The following SHB variants were observed in gnomAD, a reference collection of about 807,000 sequenced individuals.
The protein encoded by SHB is SH2 domain-containing adapter protein B.
A neutral mutation model predicts 52.3 loss-of-function variants in SHB; 20 were observed. That is an observed-to-expected ratio of 0.38 (90% confidence interval 0.27 to 0.56). The LOEUF is 0.56. SHB is among the 20% of genes least tolerant of loss of function. The pLI, the probability that SHB is intolerant of heterozygous loss-of-function variation, is 0.71. For synonymous variants in SHB, 397 were observed against 316.5 expected (o/e 1.25, Z -2.70); for missense variants, 825 against 723.3 (o/e 1.14, Z -1.61).
intron 2 of SHB, among the ~76,000 whole-genome samples, chr9:37,992,880 A>AGC (rs939447185): frequency 1.3e-5 from 2 of 150,512 alleles, no homozygotes; most frequent in African/African-American, 2.4e-5. Context: ...CACACACACA[A>AGC]ACACACACAC....
At chr9:38,055,095 A>G (rs989282774) in intron 1 of SHB, among the ~76,000 whole-genome samples, 2 of 152,218 alleles carry the variant, frequency 1.3e-5, no homozygotes, top group African/African-American at 4.8e-5. Flanking sequence ...TGAAATTTGT[A>G]AAATGCTATG....
intron 2 of SHB, among the ~76,000 whole-genome samples, chr9:38,007,225 T>G (rs1821085091): frequency 6.6e-6 from 1 of 152,208 alleles, no homozygotes; most frequent in Non-Finnish European, 1.5e-5. Context: ...CACAGCAGAA[T>G]GGGAGAGGCT....
At chr9:38,047,191 A>G (rs374652196) in intron 1 of SHB, among the ~76,000 whole-genome samples, 1 of 152,226 alleles carries the variant, frequency 6.6e-6, no homozygotes, top group East Asian at 1.9e-4. Context: ...GGCCTTGGGT[A>G]TGTCCCCTGA....
intron 4 of SHB, among the ~76,000 whole-genome samples, chr9:37,953,559 C>T (rs1234796162): frequency 6.6e-6 from 1 of 152,058 alleles, no homozygotes; most frequent in Non-Finnish European, 1.5e-5. Context: ...AGCACTGGAG[C>T]ACCTTTCTGC....
intron 5 of SHB, among the ~76,000 whole-genome samples, chr9:37,946,974 C>G (rs1832499473): frequency 6.6e-6 from 1 of 152,316 alleles, no homozygotes; most frequent in East Asian, 1.9e-4. Flanking sequence ...CACCATTCAC[C>G]TTGATGGCCC....
intron 5 of SHB, among the ~76,000 whole-genome samples, chr9:37,937,128 C>T (rs531802046): frequency 1.3e-5 from 2 of 152,352 alleles, no homozygotes; most frequent in Admixed American, 1.3e-4. Context: ...TACTTCCCTA[C>T]TGTCCTGTCT....
At chr9:37,986,988 T>G (rs1304203351) in intron 2 of SHB, among the ~76,000 whole-genome samples, 1 of 152,186 alleles carries the variant, frequency 6.6e-6, no homozygotes, top group African/African-American at 2.4e-5. Flanking sequence ...GGGGCCACAC[T>G]CTAATGAGGT....
At chr9:38,026,353 C>A (rs907774864) in intron 1 of SHB, among the ~76,000 whole-genome samples, 1 of 152,244 alleles carries the variant, frequency 6.6e-6, no homozygotes, top group East Asian at 1.9e-4. Flanking sequence ...ATCGGGCCAG[C>A]ACAGTGCCTT....
rs1389620637 is a variant in SHB at position 37,948,753 on chromosome 9, A to G, written c.1228T>C (p.Trp410Arg). The G allele has an allele frequency of 6.2e-7, 1 of 1,613,638 alleles. No homozygotes were observed. The highest frequency in any genetic ancestry group is 1.3e-5 in the African/African-American group (1 of 75,032). ...DPAVPLEKQI[W>R]YHGAISRGDA... The stretch of plus-strand genomic sequence containing the variant: ...CCTCTGCTGATGGCTCCGTGATACC[A>G]TCTGTGGAGAGGGCAGAGAGTGGTC... Residue 410 changes from tryptophan to arginine, a missense_variant and splice_region_variant, in exon 5 of 6, where the codon TGG becomes CGG. Trp to Arg is a moderately radical substitution (Grantham distance 101). Coordinates refer to ENST00000377707, the MANE Select transcript of SHB (RefSeq NM_003028.3).
intron 2 of SHB, among the ~76,000 whole-genome samples, chr9:37,987,116 C>T (rs1430031202): frequency 6.6e-6 from 1 of 152,348 alleles, no homozygotes; most frequent in Admixed American, 6.5e-5. Context: ...CCTCACAGAG[C>T]GAACCTCAGA....
intron 1 of SHB, among the ~76,000 whole-genome samples, chr9:38,038,553 T>C (rs1821520403): frequency 6.6e-6 from 1 of 152,166 alleles, no homozygotes; most frequent in Non-Finnish European, 1.5e-5. Context: ...GATGAATAAA[T>C]GTATTTTACA....
chr9:38,028,308 C>T (rs538867094), intron 1 of SHB, among the ~76,000 whole-genome samples: 3 of 152,334 alleles, frequency 2.0e-5, no homozygotes, highest in African/African-American at 4.8e-5. Flanking sequence ...CAATAATGGA[C>T]GGGCTCATGC....
At chr9:37,926,053 TTG>T (rs1285205967) in intron 5 of SHB, among the ~76,000 whole-genome samples, 4 of 151,980 alleles carry the variant, frequency 2.6e-5, no homozygotes, top group African/African-American at 7.3e-5. Flanking sequence ...ACAGGGAAGT[TTG>T]TGCGGAATTG....
At chr9:37,989,912 T>C (rs556098457) in intron 2 of SHB, among the ~76,000 whole-genome samples, 5 of 152,270 alleles carry the variant, frequency 3.3e-5, no homozygotes, top group African/African-American at 1.2e-4. Flanking sequence ...TTCCTGTCAA[T>C]AGCTATTATA....
At chr9:37,947,046 G>A (rs60196659) in intron 5 of SHB, among the ~76,000 whole-genome samples, 2,198 of 152,262 alleles carry the variant, frequency 0.014, 45 homozygotes, top group African/African-American at 0.05. Context: ...GTCCAATTCC[G>A]CTCCTCTGGC....
At position 37,918,803 on chromosome 9, in the gene SHB, G is replaced by A. The variant is rs139481656; in HGVS notation, c.*1018C>T. ...CTGGGTGCTGTGTCCAGGGGTTGGG[G>A]GGGTGTCAACACAGACGTCCCACTG... On this transcript the variant is annotated 3_prime_UTR_variant, in exon 6 of 6. Transcript: ENST00000377707. Among the ~76,000 whole-genome samples, 879 of 152,336 alleles carry A rather than the reference G, an allele frequency of 5.8e-3. 4 individuals carry two copies. Among genetic ancestry groups the A allele is most frequent in the Non-Finnish European group, 0.011 (725 of 68,032 alleles).
chr9:37,938,549 G>C (rs149184585), intron 5 of SHB, among the ~76,000 whole-genome samples: 3 of 152,222 alleles, frequency 2.0e-5, no homozygotes, highest in Admixed American at 6.5e-5. Context: ...CAACTGTCCC[G>C]GGGCACGAGA....
In SHB at chr9:38,069,160, G is replaced by A. The variant is rs1414563840; in HGVS notation, c.-515C>T. 1 of 151,566 alleles carries A rather than the reference G, an allele frequency of 6.6e-6. No homozygotes were observed. The highest frequency in any genetic ancestry group is 1.5e-5 in the Non-Finnish European group (1 of 67,634). 9.4% of individuals were successfully genotyped at this position (151,566 alleles called of 1,614,324 possible). A position where few individuals can be genotyped will look rare whatever the true frequency, so the allele number is the denominator to read the frequency against. ...CCGGGAGAGACAGCGAGCGACGGAG[G>A]AAGGCAGCCGGCGCCCGCCGGAGCC... On this transcript the variant is annotated 5_prime_UTR_variant, in exon 1 of 6. Transcript: ENST00000377707.
intron 3 of SHB, among the ~76,000 whole-genome samples, chr9:37,970,250 G>A (rs1273265370): frequency 3.3e-5 from 5 of 152,182 alleles, no homozygotes; most frequent in African/African-American, 4.8e-5. Flanking sequence ...CTGTTTGGAC[G>A]GCTCCAAGTA....
Sources: allele counts gnomAD v4.1 joint callset (sites outside exome capture counted in the v4.1 genomes callset), GRCh38; gene constraint gnomAD v4.1.1; transcripts MANE v1.5; gene names NCBI Gene and HGNC (gene_info 2026-07-23, HGNC 2026-07-21).